TDRD3: variants seen among roughly 807,000 people sequenced by gnomAD.
TDRD3 encodes the protein tudor domain containing 3, also known as tudor domain-containing protein 3.
A neutral mutation model predicts 86.7 loss-of-function variants in TDRD3; 45 were observed. The ratio of observed to expected loss-of-function variants is 0.52; its 90% CI spans 0.41 to 0.67. The LOEUF (loss-of-function observed/expected upper bound fraction) is 0.67, where lower values mean the gene tolerates loss of function less well. Ranked by LOEUF, TDRD3 falls within the 30% of genes least tolerant of loss-of-function variation. TDRD3 has a pLI of 0.00. For missense variants in TDRD3, 814 were observed against 889.0 expected (o/e 0.92, Z 1.07); for synonymous variants, 298 against 301.7 (o/e 0.99, Z 0.13).
chr13:60,529,271 G>C, intron 11 of TDRD3, 54 bp downstream of exon 11: 1 of 1,503,224 alleles, frequency 6.7e-7, no homozygotes, highest in East Asian at 2.3e-5. Context: ...TAACATTCTA[G>C]TGGGACTTTA....
chr13:60,544,412 G>T (rs1595097349), intron 12 of TDRD3, among the ~76,000 whole-genome samples: 1 of 143,994 alleles, frequency 6.9e-6, no homozygotes, highest in African/African-American at 2.6e-5. Flanking sequence ...CTACACTCCA[G>T]CCTGGTCAAC....
chr13:60,534,176 G>A (rs978871208), intron 11 of TDRD3, among the ~76,000 whole-genome samples: 2 of 152,110 alleles, frequency 1.3e-5, no homozygotes, highest in African/African-American at 4.8e-5. Flanking sequence ...AGCCAGGCAT[G>A]GTTGTATGCA....
chr13:60,409,410 G>A (rs1954307022), intron 1 of TDRD3, among the ~76,000 whole-genome samples: 1 of 152,180 alleles, frequency 6.6e-6, no homozygotes, highest in South Asian at 2.1e-4. Flanking sequence ...TGTGCACCTG[G>A]AAAAGCTGCA....
chr13:60,541,177 C>CT (rs987053511), intron 12 of TDRD3, among the ~76,000 whole-genome samples: 2 of 133,246 alleles, frequency 1.5e-5, no homozygotes, highest in Non-Finnish European at 3.3e-5. Flanking sequence ...TTCTTTCTTT[C>CT]TTTTTTTGAG....
At chr13:60,441,926 A>G (rs1163174364) in intron 2 of TDRD3, among the ~76,000 whole-genome samples, 1 of 152,198 alleles carries the variant, frequency 6.6e-6, no homozygotes, top group Non-Finnish European at 1.5e-5. Flanking sequence ...GATGTCCACC[A>G]TAAATCATAT....
At chr13:60,435,393 T>C (rs1218547158) in intron 1 of TDRD3, among the ~76,000 whole-genome samples, 1 of 152,106 alleles carries the variant, frequency 6.6e-6, no homozygotes, top group African/African-American at 2.4e-5. Flanking sequence ...CTGTACCCAA[T>C]ATGTAGTCTT....
At chr13:60,424,174 A>G (rs1594915397) in intron 1 of TDRD3, among the ~76,000 whole-genome samples, 1 of 151,348 alleles carries the variant, frequency 6.6e-6, no homozygotes, top group Non-Finnish European at 1.5e-5. Flanking sequence ...GGCGCCCGCC[A>G]CCATGCCCGG....
intron 7 of TDRD3, among the ~76,000 whole-genome samples, chr13:60,493,243 A>G (rs762428354): frequency 1.4e-3 from 209 of 152,190 alleles, no homozygotes; most frequent in Non-Finnish European, 2.2e-3. Context: ...ATGTTATTGT[A>G]TTATATATAA....
chr13:60,492,029 G>A (rs1165242666), intron 7 of TDRD3, among the ~76,000 whole-genome samples: 1 of 152,118 alleles, frequency 6.6e-6, no homozygotes, highest in Non-Finnish European at 1.5e-5. Context: ...GGCTCATAAA[G>A]GGCAACACCA....
intron 4 of TDRD3, chr13:60,460,948 AGCTG>A (rs1955789829): frequency 6.5e-6 from 1 of 152,766 alleles, no homozygotes; most frequent in South Asian, 2.1e-4. Context: ...GGTTGCAGTG[AGCTG>A]AGATCATGCC....
Position 60,528,638 on chromosome 13 carries a change from T to G in TDRD3, c.1413T>G (p.Asp471Glu). The G allele has an allele frequency of 6.2e-7, 1 of 1,614,010 alleles. No individual in the cohort carries two copies. Among genetic ancestry groups the G allele is most frequent in the Middle Eastern group, 1.7e-4 (1 of 6,060 alleles). The stretch of plus-strand genomic sequence containing the variant: ...GGGCTGAAGACAGAATCAAATGTGA[T>G]AGACCGTATTCTAGATATGACAGAA... ...EVWAEDRIKCDRPYSRYDRTK... is the reference protein window; with the variant it reads ...EVWAEDRIKCERPYSRYDRTK... The change falls in exon 11 of 14, where the codon GAT becomes GAG. Residue 471 changes from aspartate to glutamate, a missense_variant. Coordinates refer to ENST00000377881, the MANE Select transcript of TDRD3 (RefSeq NM_001146070.2).
At chr13:60,539,889 A>G in intron 12 of TDRD3, among the ~76,000 whole-genome samples, 1 of 152,084 alleles carries the variant, frequency 6.6e-6, no homozygotes, top group Admixed American at 6.5e-5. Context: ...TTAATGGCAT[A>G]GTTATAAAAT....
intron 11 of TDRD3, among the ~76,000 whole-genome samples, chr13:60,531,886 A>G (rs1957590626): frequency 6.6e-6 from 1 of 152,174 alleles, no homozygotes; most frequent in South Asian, 2.1e-4. Context: ...ACAAAAAAGA[A>G]TAGGCCTACA....
chr13:60,556,528 C>A (rs1211649846), intron 12 of TDRD3, among the ~76,000 whole-genome samples: 2 of 152,116 alleles, frequency 1.3e-5, no homozygotes, highest in Non-Finnish European at 2.9e-5. Context: ...TAAAATAGAT[C>A]TGGGAATAGA....
intron 7 of TDRD3, among the ~76,000 whole-genome samples, chr13:60,491,363 G>A (rs909677682): frequency 6.6e-6 from 1 of 152,144 alleles, no homozygotes; most frequent in African/African-American, 2.4e-5. Flanking sequence ...CTTGAGAGTT[G>A]TAGACATATG....
At chr13:60,471,309 A>G (rs1053903966) in intron 5 of TDRD3, among the ~76,000 whole-genome samples, 4 of 152,148 alleles carry the variant, frequency 2.6e-5, no homozygotes, top group Non-Finnish European at 5.9e-5. Context: ...GTTCTTAATG[A>G]ATGATCTTGT....
chr13:60,478,451 C>A (rs941450440), intron 5 of TDRD3, among the ~76,000 whole-genome samples: 1 of 151,810 alleles, frequency 6.6e-6, no homozygotes, highest in Non-Finnish European at 1.5e-5. Flanking sequence ...GTTGCAAGCC[C>A]GTGCCACCAC....
chr13:60,426,955 G>C (rs544609304), intron 1 of TDRD3, among the ~76,000 whole-genome samples: 1 of 152,138 alleles, frequency 6.6e-6, no homozygotes, highest in Non-Finnish European at 1.5e-5. Flanking sequence ...GCATGTTATC[G>C]TACTGAATAC....
At chr13:60,398,130 A>C (rs1023259879) in intron 1 of TDRD3, among the ~76,000 whole-genome samples, 7 of 152,210 alleles carry the variant, frequency 4.6e-5, no homozygotes, top group African/African-American at 1.7e-4. Context: ...GAAATTAGGC[A>C]GTTTCTGGAA....
Sources: gnomAD v4.1 joint callset for allele counts (sites outside exome capture counted in the v4.1 genomes callset) on GRCh38, gnomAD v4.1.1 for gene constraint, MANE v1.5 for transcripts, NCBI Gene and HGNC (gene_info 2026-07-23, HGNC 2026-07-21) for gene names.